The following DLG2 variants were observed in gnomAD, a reference collection of about 807,000 sequenced individuals.
DLG2 encodes the protein disks large homolog 2.
Under a neutral mutation model 132.5 loss-of-function variants are expected in DLG2, and 45 were observed. That is an observed-to-expected ratio of 0.34 (90% CI 0.27 to 0.44). The LOEUF is 0.44. Ranked by LOEUF, DLG2 falls within the 20% of genes least tolerant of loss-of-function variation. The pLI is 1.00. For missense variants in DLG2, 1,045 were observed against 1,196.9 expected, an observed-to-expected ratio of 0.87 and a Z score of 1.87; for synonymous variants, 424 against 419.6, an observed-to-expected ratio of 1.01 and a Z score of -0.13.
In DLG2 at chr11:84,923,421, T is replaced by TAAA. The variant is rs566663763; in HGVS notation, c.357+188237_357+188239dup. ...CTTCTAGCATTTTAAATCACTGGATTAAAAAAAAAAAAGAAGAAGAAGAAG... is the reference window on the plus strand; with the variant it reads ...CTTCTAGCATTTTAAATCACTGGATTAAAAAAAAAAAAAAAGAAGAAGAAGAAG... On this transcript the variant is annotated intron_variant, in intron 6 of 27. Coordinates refer to ENST00000376104, the MANE Select transcript of DLG2 (RefSeq NM_001142699.3). 3.9e-5 allele frequency: 30 copies of TAAA among 778,810 alleles called. No individual in the cohort carries two copies. The African/African-American group carries it at 6.2e-4, about 16-fold the overall frequency. 48.2% of individuals were successfully genotyped at this position (778,810 alleles called of 1,614,324 possible). A position where few individuals can be genotyped will look rare whatever the true frequency, so the allele number is the denominator to read the frequency against.
chr11:83,748,575 G>A (rs977014878), intron 18 of DLG2, among the ~76,000 whole-genome samples: 7 of 152,164 alleles, frequency 4.6e-5, no homozygotes, highest in African/African-American at 1.4e-4. Flanking sequence ...ACAGGGATAT[G>A]TCCAAAATGC....
intron 4 of DLG2, among the ~76,000 whole-genome samples, chr11:85,254,603 G>C (rs1028091194): frequency 4.6e-5 from 7 of 152,176 alleles, no homozygotes; most frequent in Non-Finnish European, 8.8e-5. Context: ...TGGATGGTTA[G>C]AAAATATTTA....
chr11:85,360,455 T>C (rs185796550), intron 3 of DLG2, among the ~76,000 whole-genome samples: 22 of 152,306 alleles, frequency 1.4e-4, no homozygotes, highest in Non-Finnish European at 2.8e-4. Flanking sequence ...ATGGTAAGTT[T>C]TGTTATTAGC....
intron 3 of DLG2, among the ~76,000 whole-genome samples, chr11:85,447,709 AC>A (rs1467103767): frequency 6.6e-6 from 1 of 152,162 alleles, no homozygotes; most frequent in Non-Finnish European, 1.5e-5. Context: ...CTCAGTCATT[AC>A]CCTAAACATT....
intron 6 of DLG2, among the ~76,000 whole-genome samples, chr11:84,805,553 C>T (rs1188213275): frequency 6.6e-6 from 1 of 152,144 alleles, no homozygotes; most frequent in Admixed American, 6.5e-5. Context: ...CTCTTTGGTG[C>T]TGTTCTCATG....
chr11:85,456,532 GTC>G (rs1399765741), intron 3 of DLG2, among the ~76,000 whole-genome samples: 4 of 151,988 alleles, frequency 2.6e-5, no homozygotes, highest in Admixed American at 2.6e-4. Flanking sequence ...TTGCTCTTGT[GTC>G]TCTAGTTTCT....
intron 7 of DLG2, among the ~76,000 whole-genome samples, chr11:84,492,625 A>T (rs2099168261): frequency 6.6e-6 from 1 of 152,204 alleles, no homozygotes; most frequent in African/African-American, 2.4e-5. Flanking sequence ...TGTGAAGAGT[A>T]GAATAATGAA....
intron 3 of DLG2, among the ~76,000 whole-genome samples, chr11:85,338,927 C>T (rs1450884574): frequency 2.6e-5 from 4 of 151,890 alleles, no homozygotes; most frequent in African/African-American, 9.7e-5. Flanking sequence ...CTCCTGACCT[C>T]GTGATCCGCC....
intron 10 of DLG2, among the ~76,000 whole-genome samples, chr11:84,096,043 C>A (rs533252664): frequency 6.6e-6 from 1 of 152,226 alleles, no homozygotes; most frequent in South Asian, 2.1e-4. Flanking sequence ...AAAGCTTTAC[C>A]TTTGGGGGTT....
intron 18 of DLG2, among the ~76,000 whole-genome samples, chr11:83,781,842 T>G (rs2094841740): frequency 6.6e-6 from 1 of 152,220 alleles, no homozygotes; most frequent in Admixed American, 6.5e-5. Context: ...ATGTAGATAT[T>G]ATTAGAAAGA....
chr11:84,294,640 C>G (rs1197590345), intron 7 of DLG2, among the ~76,000 whole-genome samples: 1 of 152,088 alleles, frequency 6.6e-6, no homozygotes, highest in Non-Finnish European at 1.5e-5. Flanking sequence ...CTCTTGCTCT[C>G]TATAAGAGAC....
intron 5 of DLG2, chr11:85,132,637 C>A: frequency 2.4e-6 from 1 of 409,290 alleles, no homozygotes; most frequent in Admixed American, 2.5e-5. Flanking sequence ...GAACAAAATG[C>A]CCAGCAAAGT....
intron 7 of DLG2, among the ~76,000 whole-genome samples, chr11:84,330,908 C>G (rs1239286212): frequency 1.3e-5 from 2 of 152,154 alleles, no homozygotes; most frequent in African/African-American, 4.8e-5. Flanking sequence ...TTTAGTGAAC[C>G]TAGAACATAG....
chr11:83,458,430 C>CTCTA lies in DLG2; in HGVS notation c.*1384_*1387dup, dbSNP rs762240143. 1.3e-5 allele frequency: 2 copies of CTCTA among 152,612 alleles called. No homozygotes were observed. Among genetic ancestry groups the CTCTA allele is most frequent in the Admixed American group, 6.5e-5 (1 of 15,284 alleles). 9.5% of individuals were successfully genotyped at this position (152,612 alleles called of 1,614,324 possible). ...AGTCATTAATTGTCTTTCCTTGTGACTCTATCTCTTTGCTCTGTACATAGA... is the reference window on the plus strand; with the variant it reads ...AGTCATTAATTGTCTTTCCTTGTGACTCTATCTATCTCTTTGCTCTGTACATAGA... On this transcript the variant is annotated 3_prime_UTR_variant, in exon 28 of 28. Coordinates refer to ENST00000376104, the MANE Select transcript of DLG2 (RefSeq NM_001142699.3).
chr11:84,009,161 G>C (rs1021264792), intron 11 of DLG2, among the ~76,000 whole-genome samples: 1 of 151,614 alleles, frequency 6.6e-6, no homozygotes, highest in Admixed American at 6.6e-5. Flanking sequence ...TTCATGTATA[G>C]GACTAATAGT....
intron 6 of DLG2, among the ~76,000 whole-genome samples, chr11:84,924,468 T>C (rs1361394997): frequency 6.6e-6 from 1 of 152,114 alleles, no homozygotes; most frequent in Non-Finnish European, 1.5e-5. Flanking sequence ...ATAAGCCACC[T>C]CCCCTCTGGA....
chr11:84,259,850 A>C (rs1211430787), intron 7 of DLG2, among the ~76,000 whole-genome samples: 2 of 152,198 alleles, frequency 1.3e-5, no homozygotes, highest in Non-Finnish European at 2.9e-5. Context: ...TAGCAGGACC[A>C]AGAGTCAGAC....
At position 84,359,905 on chromosome 11, in the gene DLG2, A is replaced by G. The variant is rs979231052; in HGVS notation, c.520-108614T>C. On this transcript the variant is annotated intron_variant, in intron 7 of 27. Coordinates refer to ENST00000376104, the MANE Select transcript of DLG2 (RefSeq NM_001142699.3). ...AGTTCATCGAACTCTGATAATTTACATTTTACAGTAAATTTCCTGATATAT... is the reference window on the plus strand; with the variant it reads ...AGTTCATCGAACTCTGATAATTTACGTTTTACAGTAAATTTCCTGATATAT... Among the ~76,000 whole-genome samples the G allele has an allele frequency of 5.3e-5, 8 of 152,076 alleles. No individual in the cohort carries two copies. In the South Asian group the frequency reaches 8.3e-4, roughly 16 times the overall value.
In DLG2 at chr11:84,213,388, A is replaced by G. The variant is rs561907502; in HGVS notation, c.573+37850T>C. 2.0e-4 allele frequency among the ~76,000 whole-genome samples: 31 copies of G among 152,314 alleles called. No individual in the cohort carries two copies. In the South Asian group the frequency reaches 6.2e-3, roughly 31 times the overall value. ...CACACTGGGGGCTCAACAAATGTCTATTGAATAAATTAATGAATGACTGCT... is the reference window on the plus strand; with the variant it reads ...CACACTGGGGGCTCAACAAATGTCTGTTGAATAAATTAATGAATGACTGCT... On this transcript the variant is annotated intron_variant, in intron 8 of 27. Transcript: ENST00000376104.
Sources: gnomAD v4.1 joint callset for allele counts (sites outside exome capture counted in the v4.1 genomes callset) on GRCh38, gnomAD v4.1.1 for gene constraint, MANE v1.5 for transcripts, NCBI Gene and HGNC (gene_info 2026-07-23, HGNC 2026-07-21) for gene names.